Variants in CWC27 observed in about 807,000 individuals in gnomAD.
The protein encoded by CWC27 is spliceosome-associated protein CWC27 homolog.
CWC27 carries 47 observed loss-of-function variants against 63.6 expected under a neutral mutation model. That is an observed-to-expected ratio of 0.74 (90% CI 0.58 to 0.94). The LOEUF is 0.94. Among genes scored for constraint, CWC27 ranks in the 40% least tolerant of loss-of-function variants. The pLI, the probability that CWC27 is intolerant of heterozygous loss-of-function variation, is 0.00. For synonymous variants in CWC27, 175 were observed against 179.8 expected (o/e 0.97, Z 0.22); for missense variants, 495 against 554.3 (o/e 0.89, Z 1.07).
intron 11 of CWC27, among the ~76,000 whole-genome samples, chr5:64,907,244 A>G (rs1747667293): frequency 6.6e-6 from 1 of 152,190 alleles, no homozygotes; most frequent in Non-Finnish European, 1.5e-5. Flanking sequence ...TTGAATCTAT[A>G]AATTACCTTG....
intron 10 of CWC27, 79 bp from the exon 11 acceptor site, chr5:64,885,364 A>G (rs1747043005): frequency 2.2e-6 from 2 of 898,462 alleles, no homozygotes; most frequent in African/African-American, 1.7e-5. Context: ...TAGATGTAGT[A>G]TACCAATGAT....
intron 11 of CWC27, among the ~76,000 whole-genome samples, chr5:64,950,931 A>G (rs921984859): frequency 1.3e-5 from 2 of 152,002 alleles, no homozygotes; most frequent in Non-Finnish European, 2.9e-5. Flanking sequence ...CTTGAAATTC[A>G]TCTATTGTAT....
intron 6 of CWC27, among the ~76,000 whole-genome samples, chr5:64,787,135 T>A (rs1471416646): frequency 6.6e-6 from 1 of 152,110 alleles, no homozygotes; most frequent in Non-Finnish European, 1.5e-5. Context: ...CACCTCCCAC[T>A]AGGGTCCCTC....
At chr5:64,948,618 C>A (rs1049738251) in intron 11 of CWC27, among the ~76,000 whole-genome samples, 4 of 152,060 alleles carry the variant, frequency 2.6e-5, no homozygotes, top group Admixed American at 2.6e-4. Flanking sequence ...CTTGGTAGAA[C>A]AGGACTCATT....
chr5:64,810,379 G>A (rs1257750600), intron 10 of CWC27, among the ~76,000 whole-genome samples: 3 of 151,936 alleles, frequency 2.0e-5, no homozygotes, highest in African/African-American at 7.3e-5. Context: ...GCTATTTGGG[G>A]TCTTTTCTGG....
chr5:64,890,727 C>T (rs1747213010), intron 11 of CWC27, among the ~76,000 whole-genome samples: 1 of 152,046 alleles, frequency 6.6e-6, no homozygotes, highest in Non-Finnish European at 1.5e-5. Context: ...GGCATAGCCA[C>T]TAATAAATTG....
intron 10 of CWC27, among the ~76,000 whole-genome samples, chr5:64,878,470 TAAAAAAAAAAAA>T (rs397998002): frequency 0.059 from 1,583 of 27,022 alleles, 88 homozygotes; most frequent in African/African-American, 0.18. Context: ...GGTTACAGAT[TAAAAAAAAAAAA>T]AAAAAAAAAA....
intron 2 of CWC27, among the ~76,000 whole-genome samples, chr5:64,775,491 C>T (rs568571201): frequency 5.3e-5 from 8 of 152,080 alleles, no homozygotes; most frequent in Non-Finnish European, 7.4e-5. Context: ...ATTTCCTTTC[C>T]GTTTCCACTT....
intron 11 of CWC27, among the ~76,000 whole-genome samples, chr5:64,944,869 T>G (rs1748557250): frequency 6.6e-6 from 1 of 152,202 alleles, no homozygotes; most frequent in South Asian, 2.1e-4. Context: ...TCACTCTTTT[T>G]TTTAAACCCA....
intron 13 of CWC27, among the ~76,000 whole-genome samples, chr5:64,988,484 C>A (rs1203728083): frequency 6.6e-6 from 1 of 152,164 alleles, no homozygotes; most frequent in East Asian, 1.9e-4. Context: ...GTTCTGATCA[C>A]CCTTCTGTGG....
chr5:64,988,499 T>C (rs1749476308), intron 13 of CWC27, among the ~76,000 whole-genome samples: 1 of 152,222 alleles, frequency 6.6e-6, no homozygotes, highest in African/African-American at 2.4e-5. Context: ...CTGTGGGATT[T>C]GGTTTCAATC....
rs1184582498 is a variant in CWC27, at chr5:64,833,838, CTTAA to C, written c.938+29455_938+29458del. ...ATCATTTATTCAGAACATATAAGCT[CTTAA>C]TTGCTCCTGTCTTTCTTGAACATTT... On this transcript the variant is annotated intron_variant, in intron 10 of 13. Coordinates refer to ENST00000381070, the MANE Select transcript of CWC27 (RefSeq NM_005869.4). 2.0e-5 allele frequency among the ~76,000 whole-genome samples: 3 copies of C among 151,538 alleles called. No individual in the cohort carries two copies. In the Admixed American group the frequency reaches 2.0e-4, roughly 10 times the overall value.
chr5:64,786,976 A>AG (rs766470214), intron 6 of CWC27, among the ~76,000 whole-genome samples: 1 of 152,174 alleles, frequency 6.6e-6, no homozygotes, highest in Non-Finnish European at 1.5e-5. Context: ...TCGTGGAGGA[A>AG]GGCGAAGCAG....
intron 11 of CWC27, among the ~76,000 whole-genome samples, chr5:64,918,752 A>AT (rs1487216778): frequency 6.6e-6 from 1 of 151,564 alleles, no homozygotes; most frequent in Non-Finnish European, 1.5e-5. Flanking sequence ...TTTTTTCTTC[A>AT]TTTTTTCTGT....
intron 13 of CWC27, among the ~76,000 whole-genome samples, chr5:64,981,646 A>G (rs761637536): frequency 2.6e-5 from 4 of 152,224 alleles, no homozygotes; most frequent in Non-Finnish European, 2.9e-5. Flanking sequence ...TCTAATTTGT[A>G]CTCCAAAGTA....
Position 64,860,848 on chromosome 5 carries a change from A to G in CWC27, c.939-24595A>G, listed in dbSNP as rs1746393515. ...AGTGCTCTTGGTATGTTATCATCAT[A>G]CAAATAACTATACATTATAGTATAA... On this transcript the variant is annotated intron_variant, in intron 10 of 13. Transcript: ENST00000381070. Among the ~76,000 whole-genome samples, 3 of 152,350 alleles carry G rather than the reference A, an allele frequency of 2.0e-5. No homozygotes were observed. The South Asian group carries it at 6.2e-4, about 32-fold the overall frequency.
At chr5:65,007,002 GAAAGAAAGAAAGAA>G (rs1749856845) in intron 13 of CWC27, among the ~76,000 whole-genome samples, 1 of 148,044 alleles carries the variant, frequency 6.8e-6, no homozygotes, top group Admixed American at 6.8e-5. Flanking sequence ...AAGAAAGAAA[GAAAGAAAGAAAGAA>G]AGAAAGAAAA....
chr5:64,800,104 CTT>C (rs1744436721), intron 7 of CWC27, 142 bp from the exon 8 acceptor site: 1 of 475,174 alleles, frequency 2.1e-6, no homozygotes, highest in African/African-American at 2.0e-5. Flanking sequence ...ACTTATAAAA[CTT>C]TAGTTTGTAT....
chr5:64,976,120 GC>G (rs1196571556), intron 12 of CWC27, among the ~76,000 whole-genome samples: 4 of 152,216 alleles, frequency 2.6e-5, no homozygotes, highest in Non-Finnish European at 5.9e-5. Flanking sequence ...CATATTTATT[GC>G]TTTTTACTAA....
Sources: allele counts gnomAD v4.1 joint callset (sites outside exome capture counted in the v4.1 genomes callset), GRCh38; gene constraint gnomAD v4.1.1; transcripts MANE v1.5; gene names NCBI Gene and HGNC (gene_info 2026-07-23, HGNC 2026-07-21).